MOV10L1: variants seen among roughly 807,000 people sequenced by gnomAD.
MOV10L1 encodes RNA helicase Mov10l1.
Under a neutral mutation model 143.8 loss-of-function variants are expected in MOV10L1, and 110 were observed. The observed-to-expected ratio is 0.76, with a 90% CI of 0.66 to 0.90. MOV10L1 has a LOEUF of 0.90. MOV10L1 is among the 40% of genes least tolerant of loss of function. MOV10L1 has a pLI of 0.00. For synonymous variants in MOV10L1, 593 were observed against 581.1 expected, an observed-to-expected ratio of 1.02 and a Z score of -0.29; for missense variants, 1,406 against 1,526.8, an observed-to-expected ratio of 0.92 and a Z score of 1.32.
At chr22:50,094,502 C>G (rs745661870) in intron 2 of MOV10L1, 1 of 151,658 alleles carries the variant, frequency 6.6e-6, no homozygotes, top group Admixed American at 6.6e-5. Flanking sequence ...TGGGTTCACA[C>G]CATTCTCCTG....
intron 19 of MOV10L1, among the ~76,000 whole-genome samples, chr22:50,149,116 G>T (rs1316293331): frequency 6.6e-6 from 1 of 152,228 alleles, no homozygotes; most frequent in Admixed American, 6.5e-5. Context: ...GCCATCTGTG[G>T]CCGCCTGCAT....
In MOV10L1 at chr22:50,107,656, G is replaced by C. The variant is rs190988316; in HGVS notation, c.443-480G>C. Among the ~76,000 whole-genome samples, 541 of 152,290 alleles carry C rather than the reference G, an allele frequency of 3.6e-3. 4 individuals are homozygous for C. The highest frequency in any genetic ancestry group is 0.012 in the Admixed American group (178 of 15,290). On this transcript the variant is annotated intron_variant, in intron 3 of 26. Transcript: ENST00000262794. Reference sequence around the variant, plus strand: ...TTCCACCAGCTGCGGGAGGCCCAGCGGTGTCTTGCGTCCGGCAGGCCATGG... The same window carrying C: ...TTCCACCAGCTGCGGGAGGCCCAGCCGTGTCTTGCGTCCGGCAGGCCATGG...
rs974217134 is a variant in MOV10L1, at chr22:50,149,523, G to A, written c.2628-92G>A. On this transcript the variant is annotated intron_variant, in intron 19 of 26. Transcript: ENST00000262794. Reference sequence around the variant, plus strand: ...CCCTGGGCAACCCTGCTGTGCCCCCGGGGTGCTGAGCGTGGCTTTGCCAGT... The same window carrying A: ...CCCTGGGCAACCCTGCTGTGCCCCCAGGGTGCTGAGCGTGGCTTTGCCAGT... 4.2e-5 allele frequency: 53 copies of A among 1,275,756 alleles called. No individual in the cohort carries two copies. The highest frequency in any genetic ancestry group is 2.6e-4 in the African/African-American group (18 of 68,596). The allele number at this position is 1,275,756 out of a possible 1,614,324, so 79.0% of individuals were successfully genotyped here. A position where few individuals can be genotyped will look rare whatever the true frequency, so the allele number is the denominator to read the frequency against.
chr22:50,161,525 T>G lies in MOV10L1; in HGVS notation c.*76T>G. 1 of 1,409,552 alleles carries G rather than the reference T, an allele frequency of 7.1e-7. No individual in the cohort carries two copies. Among genetic ancestry groups the G allele is most frequent in the Non-Finnish European group, 9.7e-7 (1 of 1,033,388 alleles). The allele number at this position is 1,409,552 out of a possible 1,614,324, so 87.3% of individuals were successfully genotyped here. ...CCGTTACAGTCTGCTCCGTGGCTCC[T>G]GTGGCCTGCCCTTGTCTCGCAGCCA... On this transcript the variant is annotated 3_prime_UTR_variant, in exon 27 of 27. Transcript: ENST00000262794.
rs550693504 is a variant in MOV10L1, at chr22:50,121,799, G to A, written c.1569+1183G>A. 4.7e-4 allele frequency among the ~76,000 whole-genome samples: 72 copies of A among 152,334 alleles called. No homozygotes were observed. In the South Asian group the frequency reaches 0.013, roughly 29 times the overall value. On this transcript the variant is annotated intron_variant, in intron 10 of 26. Coordinates refer to ENST00000262794, the MANE Select transcript of MOV10L1 (RefSeq NM_018995.3). ...TCCTCAGTTCCTTCCACAGGCCACCGACTTGATGTTTTGATGCTGCAGCTT... is the reference window on the plus strand; with the variant it reads ...TCCTCAGTTCCTTCCACAGGCCACCAACTTGATGTTTTGATGCTGCAGCTT...
Position 50,152,734 on chromosome 22 carries a change from G to A in MOV10L1, c.2893-311G>A, listed in dbSNP as rs1017913162. ...GGAGGCATCCACCTGCCCTCCACCCGGCTGCTGGGTTCCAGGTGGCAGGAG... is the reference window on the plus strand; with the variant it reads ...GGAGGCATCCACCTGCCCTCCACCCAGCTGCTGGGTTCCAGGTGGCAGGAG... On this transcript the variant is annotated intron_variant, in intron 21 of 26. Transcript: ENST00000262794. The surrounding 1 kb of genome is among the most constrained non-coding windows in gnomAD (Gnocchi z 4.4). 5.3e-5 allele frequency among the ~76,000 whole-genome samples: 8 copies of A among 152,188 alleles called. No individual in the cohort carries two copies. The highest frequency in any genetic ancestry group is 1.4e-4 in the African/African-American group (6 of 41,432).
At chr22:50,137,205 C>A (rs9617100) in intron 15 of MOV10L1, among the ~76,000 whole-genome samples, 32,977 of 151,982 alleles carry the variant, frequency 0.22, 3,965 homozygotes, top group Admixed American at 0.35. Flanking sequence ...ACCAACCCCC[C>A]CGAAATAACA....
At chr22:50,095,705 A>G (rs572598724) in intron 2 of MOV10L1, 7 of 151,952 alleles carry the variant, frequency 4.6e-5, no homozygotes, top group South Asian at 2.1e-4. Context: ...AAATGTGACA[A>G]TGTGGAAAAA....
intron 13 of MOV10L1, 30 bp from the exon 14 acceptor site, chr22:50,133,977 A>C: frequency 6.3e-7 from 1 of 1,589,984 alleles, no homozygotes. Flanking sequence ...ATGTAAGGTT[A>C]GTTATTTTAT....
At chr22:50,120,316 A>G (rs1275784323) in intron 9 of MOV10L1, among the ~76,000 whole-genome samples, 186 bp from the exon 10 acceptor site, 1 of 152,176 alleles carries the variant, frequency 6.6e-6, no homozygotes, top group Non-Finnish European at 1.5e-5. Context: ...TGTTTGAGGA[A>G]AGGATCCCAG....
chr22:50,143,621 A>G (rs762809281), intron 17 of MOV10L1, among the ~76,000 whole-genome samples: 43 of 152,170 alleles, frequency 2.8e-4, no homozygotes, highest in African/African-American at 9.7e-4. Flanking sequence ...ACCCATCGTA[A>G]TGGGATTTGG....
chr22:50,099,172 AT>A (rs1299399747), intron 2 of MOV10L1, among the ~76,000 whole-genome samples: 1 of 152,196 alleles, frequency 6.6e-6, no homozygotes, highest in Non-Finnish European at 1.5e-5. Context: ...GTGGAATCTT[AT>A]TAGGAGGCTT....
rs143441761 is a variant in MOV10L1 at position 50,134,336 on chromosome 22, G to A, written c.1970-194G>A. Among the ~76,000 whole-genome samples the A allele has an allele frequency of 2.6e-3, 389 of 147,064 alleles. 1 individual carries two copies. Among genetic ancestry groups the A allele is most frequent in the Admixed American group, 5.8e-3 (83 of 14,218 alleles). ...TGTAATTTATGAATTTTTACAGATG[G>A]GCAAATAAAGGGCTTTGTTGTGAAG... On this transcript the variant is annotated intron_variant, in intron 14 of 26. Coordinates refer to ENST00000262794, the MANE Select transcript of MOV10L1 (RefSeq NM_018995.3).
chr22:50,113,702 G>T lies in MOV10L1; in HGVS notation c.798G>T (p.Lys266Asn). ...ATHFYGTILL[K>N]NKGDIEVTQV... ...ATTTCTATGGAACGATTTTGCTGAA[G>T]AACAAAGGTGATATTGAAGTTACAC... Residue 266 changes from lysine (K) to asparagine (N), a missense_variant, in exon 6 of 27, where the codon AAG becomes AAT. By Grantham distance (94) the Lys-to-Asn change is moderately conservative (BLOSUM62 0). Around this residue, in one of 3 missense-constraint regions of MOV10L1, gnomAD observed 1,233 missense variants for 1,351.4 expected, o/e 0.91. Transcript: ENST00000262794. 1 of 1,614,052 alleles carries T rather than the reference G, an allele frequency of 6.2e-7. No individual in the cohort carries two copies. Among genetic ancestry groups the T allele is most frequent in the Non-Finnish European group, 8.5e-7 (1 of 1,179,998 alleles).
chr22:50,112,751 C>T (rs2062057433), intron 5 of MOV10L1, among the ~76,000 whole-genome samples: 1 of 152,238 alleles, frequency 6.6e-6, no homozygotes, highest in Admixed American at 6.5e-5. Context: ...GCCCCACAGC[C>T]TTCCCGTGGC....
rs961929395 is a variant in MOV10L1, at chr22:50,120,625, T to A, written c.1569+9T>A. On this transcript the variant is annotated intron_variant, in intron 10 of 26. Coordinates refer to ENST00000262794, the MANE Select transcript of MOV10L1 (RefSeq NM_018995.3). ...AGCCATTACTTGCAGAGGTAGGAAG[T>A]GTCTCATGGCCTGTGGGGTGTTGGC... 6.3e-7 allele frequency: 1 copy of A among 1,575,038 alleles called. No individual in the cohort carries two copies.
intron 11 of MOV10L1, 93 bp from the exon 12 acceptor site, chr22:50,126,109 T>C: frequency 2.3e-6 from 2 of 857,292 alleles, no homozygotes; most frequent in Non-Finnish European, 3.8e-6. Flanking sequence ...AGTAACGTTT[T>C]ATTGAACCTC....
intron 6 of MOV10L1, 139 bp downstream of exon 6, chr22:50,113,927 T>C (rs2062094230): frequency 5.0e-6 from 5 of 1,008,348 alleles, no homozygotes; most frequent in African/African-American, 1.8e-5. Flanking sequence ...TTTTTTTTTT[T>C]TTTTTTTTTG....
intron 22 of MOV10L1, among the ~76,000 whole-genome samples, chr22:50,157,309 G>A (rs535490826): frequency 2.0e-4 from 31 of 152,058 alleles, no homozygotes; most frequent in Non-Finnish European, 4.3e-4. Flanking sequence ...TGTTGATTGC[G>A]TCCGTTGATG....
Sources: gnomAD v4.1 joint callset for allele counts (sites outside exome capture counted in the v4.1 genomes callset) on GRCh38, gnomAD v4.1.1 for gene constraint, gnomAD v4.1.1 regional missense constraint, Gnocchi (gnomAD v3.1) non-coding constraint, MANE v1.5 for transcripts, NCBI Gene and HGNC (gene_info 2026-07-23, HGNC 2026-07-21) for gene names.